The following GPR39 variants were observed in gnomAD, a reference collection of about 807,000 sequenced individuals.
GPR39 encodes G protein-coupled receptor 39.
A neutral mutation model predicts 18.4 loss-of-function variants in GPR39; 23 were observed. The ratio of observed to expected loss-of-function variants is 1.25; its 90% CI spans 0.90 to 1.77. GPR39 has a LOEUF of 1.77. Ranked by LOEUF, GPR39 falls within the 40% of genes most tolerant of loss-of-function variation. The pLI is 0.00. For missense variants in GPR39, 647 were observed against 602.4 expected (o/e 1.07, Z -0.78); for synonymous variants, 280 against 257.9 (o/e 1.09, Z -0.82).
At chr2:132,508,486 C>G (rs2104756307) in intron 1 of GPR39, among the ~76,000 whole-genome samples, 1 of 152,144 alleles carries the variant, frequency 6.6e-6, no homozygotes, top group East Asian at 1.9e-4. Flanking sequence ...AGACTAAATG[C>G]TCAGGGTCCT....
chr2:132,603,052 G>A (rs1280085768), intron 1 of GPR39, among the ~76,000 whole-genome samples: 1 of 151,864 alleles, frequency 6.6e-6, no homozygotes, highest in African/African-American at 2.4e-5. Flanking sequence ...CCAAAGGAAA[G>A]GAATTCAGGT....
Position 132,417,659 on chromosome 2 carries a change from A to C in GPR39, c.617A>C (p.Asn206Thr), listed in dbSNP as rs1326237098. 1.2e-5 allele frequency: 20 copies of C among 1,613,784 alleles called. No homozygotes were observed. Among genetic ancestry groups the C allele is most frequent in the Non-Finnish European group, 1.7e-5 (20 of 1,179,970 alleles). The change falls in exon 1 of 2, where the codon AAT (asparagine) becomes ACT (threonine). Residue 206 changes from asparagine (N) to threonine (T), a missense_variant. Transcript: ENST00000329321. ...TRHHEQPETS[N>T]MSICTNLSSR... ...CACCACGAGCAGCCCGAGACCTCCAATATGTCCATCTGTACCAACCTCTCC... is the reference window on the plus strand; with the variant it reads ...CACCACGAGCAGCCCGAGACCTCCACTATGTCCATCTGTACCAACCTCTCC...
intron 1 of GPR39, among the ~76,000 whole-genome samples, chr2:132,526,727 T>C (rs930452870): frequency 1.3e-5 from 2 of 152,144 alleles, no homozygotes; most frequent in Non-Finnish European, 2.9e-5. Flanking sequence ...TGTCCCATTT[T>C]CTCAGGGCCC....
At chr2:132,419,538 G>A (rs971635391) in intron 1 of GPR39, among the ~76,000 whole-genome samples, 1 of 152,092 alleles carries the variant, frequency 6.6e-6, no homozygotes, top group Admixed American at 6.6e-5. Flanking sequence ...CGTTATCTTG[G>A]GACTTGGGAA....
intron 1 of GPR39, among the ~76,000 whole-genome samples, chr2:132,615,379 C>A (rs1389579295): frequency 6.6e-6 from 1 of 152,298 alleles, no homozygotes; most frequent in East Asian, 1.9e-4. Context: ...TGGTGTTAAC[C>A]TTCACCTTGC....
At chr2:132,563,432 G>A (rs1050664606) in intron 1 of GPR39, among the ~76,000 whole-genome samples, 1 of 152,124 alleles carries the variant, frequency 6.6e-6, no homozygotes, top group South Asian at 2.1e-4. Flanking sequence ...AAACTAGCTC[G>A]GCATGGTGGC....
chr2:132,430,375 G>T (rs987516407), intron 1 of GPR39, among the ~76,000 whole-genome samples: 1 of 152,192 alleles, frequency 6.6e-6, no homozygotes, highest in Admixed American at 6.5e-5. Flanking sequence ...CAGGCTGGGG[G>T]TGGCTGGGGA....
At chr2:132,639,108 C>A (rs1299955448) in intron 1 of GPR39, among the ~76,000 whole-genome samples, 3 of 152,154 alleles carry the variant, frequency 2.0e-5, no homozygotes, top group Non-Finnish European at 4.4e-5. Context: ...TCAGACCATT[C>A]TCCTAGCCCT....
At chr2:132,530,354 G>A (rs968162193) in intron 1 of GPR39, among the ~76,000 whole-genome samples, 17 of 152,308 alleles carry the variant, frequency 1.1e-4, no homozygotes, top group South Asian at 4.1e-4. Context: ...ATGGGACTAC[G>A]TGAAAAGACT....
intron 1 of GPR39, among the ~76,000 whole-genome samples, chr2:132,577,862 T>C (rs1319958662): frequency 6.6e-6 from 1 of 152,178 alleles, no homozygotes; most frequent in African/African-American, 2.4e-5. Context: ...TCCGTATGCC[T>C]TTTATTTCCC....
rs1679832443 is a variant in GPR39, at chr2:132,539,874, A to G, written c.857-105227A>G. On this transcript the variant is annotated intron_variant, in intron 1 of 1. Coordinates refer to ENST00000329321, the MANE Select transcript of GPR39 (RefSeq NM_001508.3). The stretch of plus-strand genomic sequence containing the variant: ...GCAATGCTGTGACTACCTTTAGAAA[A>G]TACGGTTCACATAGGAGGTTTCCAG... Among the ~76,000 whole-genome samples the G allele has an allele frequency of 2.0e-5, 3 of 152,276 alleles. No individual in the cohort carries two copies. The South Asian group carries it at 6.2e-4, about 32-fold the overall frequency.
At chr2:132,610,721 G>A (rs12466734) in intron 1 of GPR39, among the ~76,000 whole-genome samples, 22,784 of 146,112 alleles carry the variant, frequency 0.16, 1,991 homozygotes, top group Non-Finnish European at 0.19. Flanking sequence ...AGGTTGCAGT[G>A]AGCCAAGATT....
intron 1 of GPR39, among the ~76,000 whole-genome samples, chr2:132,505,173 G>A (rs1053081245): frequency 5.3e-5 from 8 of 152,338 alleles, no homozygotes; most frequent in African/African-American, 1.9e-4. Flanking sequence ...ACTCTGCTGA[G>A]TTCTGCAGTA....
intron 1 of GPR39, among the ~76,000 whole-genome samples, chr2:132,498,175 T>C (rs560522631): frequency 6.6e-6 from 1 of 152,348 alleles, no homozygotes; most frequent in Admixed American, 6.5e-5. Flanking sequence ...TCTGAGATTT[T>C]GGTGCACTCA....
chr2:132,503,712 C>T (rs1215762697), intron 1 of GPR39, among the ~76,000 whole-genome samples: 1 of 152,162 alleles, frequency 6.6e-6, no homozygotes, highest in Non-Finnish European at 1.5e-5. Flanking sequence ...AGAAAGACCA[C>T]CAGCTGGGGG....
chr2:132,619,078 A>C (rs1054029672), intron 1 of GPR39, among the ~76,000 whole-genome samples: 4 of 152,154 alleles, frequency 2.6e-5, no homozygotes, highest in African/African-American at 9.6e-5. Context: ...ACACCCCCAC[A>C]GGCCCTTTTC....
chr2:132,629,202 A>G (rs1445752788), intron 1 of GPR39, among the ~76,000 whole-genome samples: 1 of 152,222 alleles, frequency 6.6e-6, no homozygotes, highest in East Asian at 1.9e-4. Context: ...GGGAAGTTAC[A>G]AAAGGCTTAG....
intron 1 of GPR39, among the ~76,000 whole-genome samples, chr2:132,580,133 T>C (rs1027131617): frequency 2.0e-5 from 3 of 152,262 alleles, no homozygotes; most frequent in African/African-American, 7.2e-5. Flanking sequence ...GTTACCTGTG[T>C]AACTTTAGGA....
At chr2:132,514,500 T>C (rs561586771) in intron 1 of GPR39, among the ~76,000 whole-genome samples, 1 of 152,266 alleles carries the variant, frequency 6.6e-6, no homozygotes, top group African/African-American at 2.4e-5. Flanking sequence ...CTCCTTGAGG[T>C]GTGGCTCCCA....
Sources: gnomAD v4.1 joint callset for allele counts (sites outside exome capture counted in the v4.1 genomes callset) on GRCh38, gnomAD v4.1.1 for gene constraint, MANE v1.5 for transcripts, NCBI Gene and HGNC (gene_info 2026-07-23, HGNC 2026-07-21) for gene names.